STS: variants seen among roughly 807,000 people sequenced by gnomAD.
STS encodes the protein steroid sulfatase, also known as steryl-sulfatase.
STS carries 7 observed loss-of-function variants against 26.8 expected under a neutral mutation model. The observed-to-expected ratio is 0.26, with a 90% CI of 0.15 to 0.49. The LOEUF is 0.49. STS is among the 20% of genes least tolerant of loss of function. The pLI is 0.98. For missense variants in STS, 434 were observed against 465.6 expected, an observed-to-expected ratio of 0.93 and a Z score of 0.63; for synonymous variants, 199 against 189.4, an observed-to-expected ratio of 1.05 and a Z score of -0.42.
At chrX:7,148,314 C>T (rs1932930568) in intron 1 of STS, 1 of 264,383 alleles carries the variant, frequency 3.8e-6, no homozygotes, top group Non-Finnish European at 6.7e-6. Context: ...GGGCTTTCGC[C>T]GCAGCTGTAG....
chrX:7,277,728 C>G (rs1426141688), intron 7 of STS, among the ~76,000 whole-genome samples: 5 of 112,152 alleles, frequency 4.5e-5, no homozygotes, highest in African/African-American at 9.7e-5. Flanking sequence ...CCAGAACATT[C>G]TCTCTAACAA....
chrX:7,148,305 G>T (rs1932930395), intron 1 of STS: 1 of 266,825 alleles, frequency 3.7e-6, no homozygotes, highest in African/African-American at 2.8e-5. Flanking sequence ...GCGCACCTTG[G>T]GCTTTCGCCG....
intron 9 of STS, among the ~76,000 whole-genome samples, chrX:7,327,317 C>T (rs1927524994): frequency 9.1e-6 from 1 of 110,253 alleles, no homozygotes; most frequent in Non-Finnish European, 1.9e-5. Flanking sequence ...CTAGTGGGTG[C>T]TATGGCTAAG....
At position 7,216,624 on chromosome X, in the gene STS, C is replaced by A. The variant is rs1248843829; in HGVS notation, c.-5+25616C>A. The stretch of plus-strand genomic sequence containing the variant: ...AGAAAACATTTGCTCTGAGGCCAGA[C>A]TGTTCCCAGGAGGAAGTGCCTGCTC... On this transcript the variant is annotated intron_variant, in intron 2 of 10. Coordinates refer to ENST00000674429, the MANE Select transcript of STS (RefSeq NM_001320752.2). Among the ~76,000 whole-genome samples, 4 of 112,021 alleles carry A rather than the reference C, an allele frequency of 3.6e-5. 1 individual carries two copies. The East Asian group carries it at 8.4e-4, about 24-fold the overall frequency.
intron 2 of STS, among the ~76,000 whole-genome samples, chrX:7,225,619 G>C (rs1041715681): frequency 5.4e-5 from 6 of 111,027 alleles, no homozygotes; most frequent in African/African-American, 1.6e-4. Context: ...CAGACTCCCA[G>C]ACAGGAAGCA....
At chrX:7,167,823 G>A (rs1482681971) in intron 1 of STS, among the ~76,000 whole-genome samples, 1 of 110,993 alleles carries the variant, frequency 9.0e-6, no homozygotes, top group Non-Finnish European at 1.9e-5. Context: ...AAGTAGCTGG[G>A]ACTACAAGTA....
chrX:7,241,828 T>G (rs1032945746), intron 2 of STS, among the ~76,000 whole-genome samples: 11 of 112,283 alleles, frequency 9.8e-5, no homozygotes, highest in Non-Finnish European at 1.9e-4. Context: ...GTCATGGCTG[T>G]GGTCTCATCT....
chrX:7,252,266 A>G, intron 2 of STS: 2 of 753,097 alleles, frequency 2.7e-6, no homozygotes, highest in Non-Finnish European at 3.1e-6. Context: ...AACCTGGCTC[A>G]AGGCTGTGAA....
chrX:7,301,920 T>C (rs1925984519), intron 7 of STS, among the ~76,000 whole-genome samples: 1 of 111,987 alleles, frequency 8.9e-6, no homozygotes, highest in South Asian at 3.8e-4. Flanking sequence ...TAATCTTTCA[T>C]TGTCTGGATG....
chrX:7,205,641 C>CTTT lies in STS; in HGVS notation c.-5+14646_-5+14648dup, dbSNP rs11318727. Among the ~76,000 whole-genome samples the CTTT allele has an allele frequency of 8.4e-3, 738 of 87,957 alleles. 15 individuals are homozygous for CTTT. Among genetic ancestry groups the CTTT allele is most frequent in the African/African-American group, 0.03 (702 of 23,795 alleles). 76.4% of individuals were successfully genotyped at this position (87,957 alleles called of 115,157 possible). Reference sequence around the variant, plus strand: ...TTCGTTTTCTTTTCTTTTCTTTTTTCTTTTTTTTTTTTTTTGAGACAGTTT... The same window carrying CTTT: ...TTCGTTTTCTTTTCTTTTCTTTTTTCTTTTTTTTTTTTTTTTTTGAGACAGTTT... On this transcript the variant is annotated intron_variant, in intron 2 of 10. Transcript: ENST00000674429.
chrX:7,195,219 A>G (rs1218338988), intron 2 of STS, among the ~76,000 whole-genome samples: 1 of 111,868 alleles, frequency 8.9e-6, no homozygotes, highest in African/African-American at 3.3e-5. Flanking sequence ...TGCATTTAGA[A>G]CTTGTCTTTG....
chrX:7,177,339 CAT>C (rs1268800399), intron 1 of STS, among the ~76,000 whole-genome samples: 3 of 110,541 alleles, frequency 2.7e-5, no homozygotes, highest in Non-Finnish European at 5.7e-5. Context: ...AAAATAAAAT[CAT>C]AGTTATATAA....
At chrX:7,192,980 T>C (rs1933905870) in intron 2 of STS, among the ~76,000 whole-genome samples, 1 of 112,601 alleles carries the variant, frequency 8.9e-6, no homozygotes, top group Admixed American at 9.4e-5. Context: ...AATCTTCTCT[T>C]TCTTCCTAGA....
chrX:7,163,408 C>T (rs1401382889), intron 1 of STS, among the ~76,000 whole-genome samples: 3 of 112,457 alleles, frequency 2.7e-5, no homozygotes, highest in Non-Finnish European at 5.6e-5. Flanking sequence ...AGCTCTTTTT[C>T]CAGCTGGCCA....
intron 2 of STS, among the ~76,000 whole-genome samples, chrX:7,208,202 T>G (rs1209008147): frequency 8.9e-6 from 1 of 112,689 alleles, no homozygotes; most frequent in Non-Finnish European, 1.9e-5. Context: ...TGAGTGTTTC[T>G]TATTCTTCAA....
chrX:7,255,151 T>G (rs750118810), intron 3 of STS, among the ~76,000 whole-genome samples: 1 of 112,450 alleles, frequency 8.9e-6, no homozygotes, highest in South Asian at 3.7e-4. Context: ...AAATGTTGCT[T>G]TTTATTTTTT....
chrX:7,150,473 G>A (rs1442380599), intron 1 of STS, among the ~76,000 whole-genome samples: 2 of 110,951 alleles, frequency 1.8e-5, no homozygotes, highest in South Asian at 7.7e-4. Flanking sequence ...TGCCCACCTC[G>A]GCTTCCCAAA....
At chrX:7,157,496 A>G (rs1933159699) in intron 1 of STS, among the ~76,000 whole-genome samples, 1 of 111,958 alleles carries the variant, frequency 8.9e-6, no homozygotes, top group African/African-American at 3.2e-5. Context: ...ACTCTGAACA[A>G]TTTCATTAAG....
intron 1 of STS, among the ~76,000 whole-genome samples, chrX:7,173,041 G>A (rs940773391): frequency 1.5e-4 from 17 of 111,170 alleles, no homozygotes; most frequent in African/African-American, 5.2e-4. Context: ...CATCACCAAG[G>A]TATTAAGCCT....
Sources: allele counts gnomAD v4.1 joint callset (sites outside exome capture counted in the v4.1 genomes callset), GRCh38; gene constraint gnomAD v4.1.1; transcripts MANE v1.5; gene names NCBI Gene and HGNC (gene_info 2026-07-23, HGNC 2026-07-21).